Variants in LRGUK observed in about 807,000 individuals in gnomAD.
LRGUK encodes the protein leucine-rich repeat and guanylate kinase domain-containing protein.
In LRGUK, 65 loss-of-function variants were observed where a neutral mutation model predicts 76.0. That is an observed-to-expected ratio of 0.85 (90% CI 0.70 to 1.05). LRGUK has a LOEUF of 1.05. LRGUK is among the 50% of genes least tolerant of loss of function. LRGUK has a pLI of 0.00. For missense variants in LRGUK, 758 were observed against 732.8 expected, an observed-to-expected ratio of 1.03 and a Z score of -0.40; for synonymous variants, 268 against 265.6, an observed-to-expected ratio of 1.01 and a Z score of -0.09.
intron 3 of LRGUK, among the ~76,000 whole-genome samples, chr7:134,142,153 C>G (rs766930101): frequency 2.0e-5 from 3 of 152,120 alleles, no homozygotes; most frequent in Non-Finnish European, 4.4e-5. Flanking sequence ...TAGAGGCCAT[C>G]CCCAGGAGGT....
intron 18 of LRGUK, among the ~76,000 whole-genome samples, chr7:134,253,496 C>T (rs928906663): frequency 2.6e-5 from 4 of 152,152 alleles, no homozygotes; most frequent in Non-Finnish European, 5.9e-5. Flanking sequence ...TAGCAGAAAT[C>T]CTATCTATTA....
At chr7:134,215,604 T>G (rs1000382344) in intron 15 of LRGUK, among the ~76,000 whole-genome samples, 1 of 149,306 alleles carries the variant, frequency 6.7e-6, no homozygotes, top group Non-Finnish European at 1.5e-5. Context: ...ATAAAGCTTT[T>G]AAAAAAAAAA....
At chr7:134,212,005 C>A (rs1218026967), downstream of LRGUK, among the ~76,000 whole-genome samples, 2 of 152,162 alleles carry the variant, frequency 1.3e-5, no homozygotes, top group Non-Finnish European at 2.9e-5. Context: ...TGGCTTCATT[C>A]TTTGGACTAC....
At chr7:134,133,092 C>T (rs1797380184) in intron 1 of LRGUK, among the ~76,000 whole-genome samples, 1 of 152,136 alleles carries the variant, frequency 6.6e-6, no homozygotes, top group Non-Finnish European at 1.5e-5. Context: ...CTAGCCCACT[C>T]AGCAGCTAGG....
At chr7:134,178,671 C>A in intron 10 of LRGUK, 62 bp downstream of exon 10, 1 of 1,288,192 alleles carries the variant, frequency 7.8e-7, no homozygotes, top group Non-Finnish European at 1.1e-6. Context: ...AGCCTCATCA[C>A]TTCCCCTAAC....
intron 11 of LRGUK, among the ~76,000 whole-genome samples, chr7:134,184,785 G>A (rs967234756): frequency 1.3e-5 from 2 of 152,098 alleles, no homozygotes; most frequent in African/African-American, 4.8e-5. Context: ...TTTTCCAAAT[G>A]CTTAACTTAA....
chr7:134,146,628 A>G (rs1186823310), intron 4 of LRGUK, among the ~76,000 whole-genome samples: 2 of 152,068 alleles, frequency 1.3e-5, no homozygotes, highest in East Asian at 1.9e-4. Flanking sequence ...GCTAACTTGT[A>G]TTTTACTAAG....
chr7:134,132,323 C>G (rs1017669000), intron 1 of LRGUK, among the ~76,000 whole-genome samples: 1 of 151,912 alleles, frequency 6.6e-6, no homozygotes, highest in Non-Finnish European at 1.5e-5. Context: ...CCACTGCATT[C>G]CAGCCTGAGT....
intron 18 of LRGUK, among the ~76,000 whole-genome samples, chr7:134,257,094 A>G (rs1301178023): frequency 1.3e-5 from 2 of 152,190 alleles, no homozygotes; most frequent in Non-Finnish European, 2.9e-5. Flanking sequence ...GGGACTACTC[A>G]TGGCATGACT....
At chr7:134,239,651 G>A (rs773979925) in intron 16 of LRGUK, among the ~76,000 whole-genome samples, 3 of 152,250 alleles carry the variant, frequency 2.0e-5, no homozygotes, top group Non-Finnish European at 4.4e-5. Context: ...AAAGGCAGAA[G>A]AAACTTCTGC....
At chr7:134,227,765 T>C (rs1431224946) in intron 16 of LRGUK, among the ~76,000 whole-genome samples, 3 of 152,132 alleles carry the variant, frequency 2.0e-5, no homozygotes. Flanking sequence ...GTAACTGAAA[T>C]TGATACCCAA....
chr7:134,189,603 T>C (rs1458712434), intron 11 of LRGUK, among the ~76,000 whole-genome samples: 2 of 152,202 alleles, frequency 1.3e-5, no homozygotes, highest in Non-Finnish European at 2.9e-5. Flanking sequence ...CTTTGAGGTA[T>C]TCAGAAGAAA....
chr7:134,247,587 C>G, exon 17 of LRGUK: 1 of 1,613,816 alleles, frequency 6.2e-7, no homozygotes, highest in African/African-American at 1.3e-5. Flanking sequence ...CAGCACGAGG[C>G]AGCCCGGCAA....
At chr7:134,185,518 ACT>A (rs1799948650) in intron 11 of LRGUK, among the ~76,000 whole-genome samples, 1 of 149,948 alleles carries the variant, frequency 6.7e-6, no homozygotes, top group Non-Finnish European at 1.5e-5. Flanking sequence ...ACAGAGCGAG[ACT>A]CTGTCTCAAA....
At chr7:134,187,967 C>A (rs2117037893) in intron 11 of LRGUK, among the ~76,000 whole-genome samples, 1 of 152,278 alleles carries the variant, frequency 6.6e-6, no homozygotes, top group Admixed American at 6.5e-5. Context: ...TATTTAGTTA[C>A]ATGAGATGAT....
chr7:134,247,014 TA>T (rs1205791560), intron 16 of LRGUK, among the ~76,000 whole-genome samples: 6 of 152,190 alleles, frequency 3.9e-5, no homozygotes, highest in African/African-American at 1.4e-4. Context: ...CACCAGACCA[TA>T]AACCTTTTGA....
intron 3 of LRGUK, among the ~76,000 whole-genome samples, chr7:134,140,725 A>G (rs1797732628): frequency 6.6e-6 from 1 of 152,104 alleles, no homozygotes; most frequent in South Asian, 2.1e-4. Context: ...TCCACTTTTT[A>G]ACGATTAAGA....
intron 6 of LRGUK, among the ~76,000 whole-genome samples, chr7:134,159,929 G>A (rs1328763533): frequency 3.9e-5 from 6 of 152,278 alleles, no homozygotes; most frequent in Admixed American, 6.5e-5. Context: ...CATGTTTTCC[G>A]CCCATGAAGG....
intron 7 of LRGUK, among the ~76,000 whole-genome samples, chr7:134,166,106 C>G (rs921376539): frequency 1.3e-5 from 2 of 151,888 alleles, no homozygotes; most frequent in African/African-American, 4.8e-5. Flanking sequence ...CTCTACAGGA[C>G]TACCGAGAAT....
Sources: allele counts gnomAD v4.1 joint callset (sites outside exome capture counted in the v4.1 genomes callset), GRCh38; gene constraint gnomAD v4.1.1; transcripts MANE v1.5; gene names NCBI Gene and HGNC (gene_info 2026-07-23, HGNC 2026-07-21).